The following PAK2 variants were observed in gnomAD, a reference collection of about 807,000 sequenced individuals.
PAK2 encodes the protein p21 (RAC1) activated kinase 2, also known as serine/threonine-protein kinase PAK 2.
Under a neutral mutation model 65.9 loss-of-function variants are expected in PAK2, and 21 were observed. That is an observed-to-expected ratio of 0.32 (90% CI 0.23 to 0.46). PAK2 has a LOEUF of 0.46. Ranked by LOEUF, PAK2 falls within the 20% of genes least tolerant of loss-of-function variation. The pLI is 1.00. For synonymous variants in PAK2, 204 were observed against 219.7 expected (o/e 0.93, Z 0.63); for missense variants, 324 against 642.6 (o/e 0.50, Z 5.36).
intron 1 of PAK2, among the ~76,000 whole-genome samples, chr3:196,759,526 T>G (rs142709423): frequency 0.44 from 53,018 of 120,758 alleles, 11,018 homozygotes; most frequent in Non-Finnish European, 0.49. Flanking sequence ...TTTTTTTTTT[T>G]TTTTTTTTTT....
rs529091247 is a variant in PAK2, at chr3:196,745,836, A to T, written c.-22+5679A>T. 5.4e-4 allele frequency among the ~76,000 whole-genome samples: 77 copies of T among 142,088 alleles called. No homozygotes were observed. In the South Asian group the frequency reaches 6.8e-3, roughly 13 times the overall value. 93.2% of individuals were successfully genotyped at this position (142,088 alleles called of 152,430 possible). On this transcript the variant is annotated intron_variant, in intron 1 of 14. Coordinates refer to ENST00000327134, the MANE Select transcript of PAK2 (RefSeq NM_002577.4). ...CTCTAAGTAAAAAAAAAAAAAGAAG[A>T]AGTAGTAACTAGATTTTTCTGTTCA...
intron 1 of PAK2, among the ~76,000 whole-genome samples, chr3:196,764,841 C>CTTTTTTTTT (rs57199433): frequency 4.6e-5 from 5 of 107,636 alleles, no homozygotes; most frequent in Non-Finnish European, 7.4e-5. Flanking sequence ...TCTTTTCTTT[C>CTTTTTTTTT]TTTTTTTTTT....
intron 2 of PAK2, among the ~76,000 whole-genome samples, chr3:196,796,575 C>T (rs1385423114): frequency 6.6e-6 from 1 of 152,134 alleles, no homozygotes; most frequent in Non-Finnish European, 1.5e-5. Context: ...AACAGGTGAA[C>T]ATGATAGTAT....
chr3:196,796,946 T>G (rs1242685732), intron 2 of PAK2, among the ~76,000 whole-genome samples: 1 of 152,106 alleles, frequency 6.6e-6, no homozygotes, highest in Non-Finnish European at 1.5e-5. Flanking sequence ...AAGCAAAAAC[T>G]GAGAGGATTT....
At position 196,829,845 on chromosome 3, in the gene PAK2, T is replaced by C. The variant is rs1419720647; in HGVS notation, c.*1440T>C. 6.6e-6 allele frequency: 1 copy of C among 152,230 alleles called. No individual in the cohort carries two copies. Among genetic ancestry groups the C allele is most frequent in the Non-Finnish European group, 1.5e-5 (1 of 68,044 alleles). The allele number at this position is 152,230 out of a possible 1,614,324, so 9.4% of individuals were successfully genotyped here. A position where few individuals can be genotyped will look rare whatever the true frequency, so the allele number is the denominator to read the frequency against. ...AGCAATAATTTGTTTCTTTTAAAGA[T>C]TCTAAAAGGTCTGAGACCTGTAGCA... On this transcript the variant is annotated 3_prime_UTR_variant, in exon 15 of 15. Transcript: ENST00000327134.
At chr3:196,746,470 G>A (rs935822312) in intron 1 of PAK2, among the ~76,000 whole-genome samples, 14 of 152,002 alleles carry the variant, frequency 9.2e-5, no homozygotes, top group Non-Finnish European at 1.8e-4. Flanking sequence ...TTAGTCCTGC[G>A]TACGGAATTT....
At chr3:196,770,747 C>T (rs959645765) in intron 1 of PAK2, among the ~76,000 whole-genome samples, 8 of 151,798 alleles carry the variant, frequency 5.3e-5, no homozygotes, top group Admixed American at 3.9e-4. Context: ...CTCAGCTTCC[C>T]GAGTAGCTGG....
chr3:196,805,921 A>AT lies in PAK2; in HGVS notation c.468+546dup, dbSNP rs200474286. Among the ~76,000 whole-genome samples the AT allele has an allele frequency of 4.1e-3, 614 of 148,828 alleles. 3 individuals are homozygous for AT. The highest frequency in any genetic ancestry group is 0.014 in the African/African-American group (587 of 40,630). ...TTATTTATTTATTTATTTTATTTTT[A>AT]TTTTTTTTGAGTTAGAGTCTCGCTC... is the stretch of plus-strand genomic sequence containing the variant. On this transcript the variant is annotated intron_variant, in intron 5 of 14. Coordinates refer to ENST00000327134, the MANE Select transcript of PAK2 (RefSeq NM_002577.4).
rs371672012 is a variant in PAK2, at chr3:196,812,280, T to C, written c.822+13T>C. On this transcript the variant is annotated intron_variant, in intron 9 of 14. Coordinates refer to ENST00000327134, the MANE Select transcript of PAK2 (RefSeq NM_002577.4). The stretch of plus-strand genomic sequence containing the variant: ...ACTGGGACAGGAGGTAGTTACTTTG[T>C]TGTAATCCTGGGTGTTACCATTATT... The C allele has an allele frequency of 2.6e-6, 4 of 1,510,342 alleles. No individual in the cohort carries two copies. Among genetic ancestry groups the C allele is most frequent in the Non-Finnish European group, 2.8e-6 (3 of 1,085,452 alleles). The allele number at this position is 1,510,342 out of a possible 1,614,324, so 93.6% of individuals were successfully genotyped here. A position where few individuals can be genotyped will look rare whatever the true frequency, so the allele number is the denominator to read the frequency against.
intron 1 of PAK2, among the ~76,000 whole-genome samples, chr3:196,745,465 C>T (rs1421281978): frequency 6.6e-6 from 1 of 151,760 alleles, no homozygotes; most frequent in Non-Finnish European, 1.5e-5. Flanking sequence ...TTTTTCATGC[C>T]TGGTGGGGAT....
rs550728419 is a variant in PAK2, at chr3:196,742,806, A to G, written c.-22+2649A>G. Among the ~76,000 whole-genome samples the G allele has an allele frequency of 3.3e-5, 5 of 152,216 alleles. No individual in the cohort carries two copies. The South Asian group carries it at 8.3e-4, about 25-fold the overall frequency. On this transcript the variant is annotated intron_variant, in intron 1 of 14. Transcript: ENST00000327134. ...GTGGCAGGCGCCTGTAGTCCCAGCT[A>G]CTCGGGAGGCTGAGGCCGGAGAATG...
chr3:196,782,847 C>T lies in PAK2; in HGVS notation c.187+14C>T. On this transcript the variant is annotated intron_variant, in intron 2 of 14. Coordinates refer to ENST00000327134, the MANE Select transcript of PAK2 (RefSeq NM_002577.4). ...GCACAGAGAAAGGTAAATAGCGCTT[C>T]TGGCTTTCAGAGTCTCAGCATTGGT... 3 of 1,576,778 alleles carry T rather than the reference C, an allele frequency of 1.9e-6. No homozygotes were observed. Among genetic ancestry groups the T allele is most frequent in the South Asian group, 1.1e-5 (1 of 88,034 alleles).
At chr3:196,793,120 GC>G (rs1560106198) in intron 2 of PAK2, among the ~76,000 whole-genome samples, 1 of 151,988 alleles carries the variant, frequency 6.6e-6, no homozygotes, top group African/African-American at 2.4e-5. Flanking sequence ...AGTGTCAAAG[GC>G]CCCCCAGGAC....
At chr3:196,768,885 C>T (rs973930682) in intron 1 of PAK2, among the ~76,000 whole-genome samples, 4 of 151,768 alleles carry the variant, frequency 2.6e-5, no homozygotes, top group Admixed American at 2.6e-4. Context: ...AGGATGGCCT[C>T]GAACTCCCAG....
intron 11 of PAK2, among the ~76,000 whole-genome samples, chr3:196,815,159 A>G (rs150231623): frequency 0.012 from 1,872 of 151,742 alleles, 35 homozygotes; most frequent in East Asian, 0.085. Context: ...CAGCCTGGGC[A>G]ACAGAGCGAG....
chr3:196,810,766 G>C (rs1715751718), intron 8 of PAK2, 113 bp downstream of exon 8: 2 of 636,052 alleles, frequency 3.1e-6, no homozygotes, highest in Non-Finnish European at 5.7e-6. Context: ...TATTCTGTGA[G>C]TGGTACCCTT....
At chr3:196,815,135 A>G (rs374899440) in intron 11 of PAK2, among the ~76,000 whole-genome samples, 98 of 151,418 alleles carry the variant, frequency 6.5e-4, no homozygotes, top group East Asian at 1.4e-3. Context: ...AGCCGAGATC[A>G]CACCACTGCA....
At chr3:196,741,885 A>AAG (rs1272659835) in intron 1 of PAK2, among the ~76,000 whole-genome samples, 14 of 152,264 alleles carry the variant, frequency 9.2e-5, no homozygotes, top group South Asian at 2.1e-4. Context: ...TTTATGAAGG[A>AAG]AGAGTTCCTG....
At chr3:196,781,694 G>C (rs143417267) in intron 1 of PAK2, among the ~76,000 whole-genome samples, 2 of 152,238 alleles carry the variant, frequency 1.3e-5, no homozygotes, top group Non-Finnish European at 2.9e-5. Flanking sequence ...TTGGCCAGGC[G>C]TGGGGGCTCA....
Sources: allele counts gnomAD v4.1 joint callset (sites outside exome capture counted in the v4.1 genomes callset), GRCh38; gene constraint gnomAD v4.1.1; transcripts MANE v1.5; gene names NCBI Gene and HGNC (gene_info 2026-07-23, HGNC 2026-07-21).